CDH1: variants seen among roughly 807,000 people sequenced by gnomAD.
CDH1 encodes the protein cadherin-1.
In CDH1, 35 loss-of-function variants were observed where a neutral mutation model predicts 84.5. The ratio of observed to expected loss-of-function variants is 0.41; its 90% CI spans 0.32 to 0.55. The LOEUF is 0.55. Ranked by LOEUF, CDH1 falls within the 20% of genes least tolerant of loss-of-function variation. CDH1 has a pLI of 0.19. For missense variants in CDH1, 994 were observed against 1,126.6 expected, an observed-to-expected ratio of 0.88 and a Z score of 1.68; for synonymous variants, 417 against 439.0, an observed-to-expected ratio of 0.95 and a Z score of 0.63.
chr16:68,788,866 A>G (rs1374531939), intron 2 of CDH1, among the ~76,000 whole-genome samples: 2 of 152,118 alleles, frequency 1.3e-5, no homozygotes, highest in African/African-American at 4.8e-5. Flanking sequence ...TTAGCTGGGT[A>G]TGGTGGCGGG....
At chr16:68,787,446 A>G (rs1960085307) in intron 2 of CDH1, among the ~76,000 whole-genome samples, 1 of 152,096 alleles carries the variant, frequency 6.6e-6, no homozygotes, top group Non-Finnish European at 1.5e-5. Flanking sequence ...CCCACACGTA[A>G]TGACTGTCAT....
chr16:68,813,398 C>G lies in CDH1; in HGVS notation c.1223C>G (p.Ala408Gly), dbSNP rs138135866. ...VTDADAPNTP[A>G]WEAVYTILND... ...GATGCTGATGCCCCCAATACCCCAG[C>G]GTGGGAGGCTGTATACACCATATTG... is the stretch of plus-strand genomic sequence containing the variant. Residue 408 changes from alanine (A) to glycine (G), a missense_variant, in exon 9 of 16, where the codon GCG becomes GGG. Physicochemically the swap from Ala to Gly is moderately conservative, Grantham distance 60. Around this residue, in one of 3 missense-constraint regions of CDH1, gnomAD observed 769 missense variants for 881.8 expected, o/e 0.87. Transcript: ENST00000261769. 3 of 1,614,036 alleles carry G rather than the reference C, an allele frequency of 1.9e-6. No individual in the cohort carries two copies. The highest frequency in any genetic ancestry group is 2.5e-6 in the Non-Finnish European group (3 of 1,179,968).
chr16:68,738,964 T>TTTTTTTTTTTTTTTTTTTTTA lies in CDH1; in HGVS notation c.163+553_163+554insTTTTTTTTTTTTTTTTTTTTA, dbSNP rs555202424. On this transcript the variant is annotated intron_variant, in intron 2 of 15. Coordinates refer to ENST00000261769, the MANE Select transcript of CDH1 (RefSeq NM_004360.5). ...TTTTTTTTTTTTTTTTTTTTTTTTT[T>TTTTTTTTTTTTTTTTTTTTTA]AAAGACAGGGTCTTGCTCTGTTGCC... is the stretch of plus-strand genomic sequence containing the variant. Among the ~76,000 whole-genome samples, 5 of 65,364 alleles carry TTTTTTTTTTTTTTTTTTTTTA rather than the reference T, an allele frequency of 7.6e-5. 2 individuals carry two copies. Among genetic ancestry groups the TTTTTTTTTTTTTTTTTTTTTA allele is most frequent in the Non-Finnish European group, 1.1e-4 (4 of 35,546 alleles). The allele number at this position is 65,364 out of a possible 152,430, so 42.9% of individuals were successfully genotyped here.
rs370973869 is a variant in CDH1, at chr16:68,801,850, C to T, written c.344C>T (p.Thr115Met). The T allele has an allele frequency of 9.3e-6, 15 of 1,614,104 alleles. No individual in the cohort carries two copies. Among genetic ancestry groups the T allele is most frequent in the Middle Eastern group, 1.6e-4 (1 of 6,082 alleles). Residue 115 changes from threonine (T) to methionine (M), a missense_variant, in exon 3 of 16, where the codon ACG becomes ATG. Thr to Met is a moderately conservative substitution (Grantham distance 81). This residue lies in a region of CDH1 where 203 missense variants were observed against 194.0 expected (regional missense o/e 1.05). Transcript: ENST00000261769. The stretch of plus-strand genomic sequence containing the variant: ...TACAGAAAGTTTTCCACCAAAGTCA[C>T]GCTGAATACAGTGGGGCACCACCAC... ...STYRKFSTKV[T>M]LNTVGHHHRP...
At chr16:68,809,855 A>C (rs1029025092) in intron 5 of CDH1, among the ~76,000 whole-genome samples, 1 of 152,152 alleles carries the variant, frequency 6.6e-6, no homozygotes, top group Non-Finnish European at 1.5e-5. Flanking sequence ...ATTCAGAAAT[A>C]TCTGGGGGAA....
In CDH1 at chr16:68,750,150, C is replaced by CTTTTTTTTTTTTTTTTTTTTTTTTTTT. The variant is rs34551002; in HGVS notation, c.163+11749_163+11750insTTTTTTTTTTTTTTTTTTTTTTTTTTT. On this transcript the variant is annotated intron_variant, in intron 2 of 15. Coordinates refer to ENST00000261769, the MANE Select transcript of CDH1 (RefSeq NM_004360.5). ...TTTTGATTGTGATGCTAGAATTCAG[C>CTTTTTTTTTTTTTTTTTTTTTTTTTTT]TTTTTTTTTTGCCTTTGGAAGGCCT... Among the ~76,000 whole-genome samples the CTTTTTTTTTTTTTTTTTTTTTTTTTTT allele has an allele frequency of 1.3e-4, 10 of 79,152 alleles. 1 individual carries two copies. Among genetic ancestry groups the CTTTTTTTTTTTTTTTTTTTTTTTTTTT allele is most frequent in the African/African-American group, 1.7e-4 (4 of 23,946 alleles). The allele number at this position is 79,152 out of a possible 152,430, so 51.9% of individuals were successfully genotyped here. A position where few individuals can be genotyped will look rare whatever the true frequency, so the allele number is the denominator to read the frequency against.
intron 3 of CDH1, among the ~76,000 whole-genome samples, chr16:68,804,102 CTTTTTTT>C (rs10563852): frequency 4.0e-5 from 3 of 75,068 alleles, no homozygotes; most frequent in African/African-American, 9.8e-5. Context: ...ATCTGTCTGC[CTTTTTTT>C]TTTTTTTTTT....
At chr16:68,817,059 A>G (rs1961006762) in intron 10 of CDH1, among the ~76,000 whole-genome samples, 1 of 152,236 alleles carries the variant, frequency 6.6e-6, no homozygotes, top group Non-Finnish European at 1.5e-5. Flanking sequence ...GCCTGGAACA[A>G]TGACCACTTG....
In CDH1 at chr16:68,823,509, G is replaced by C. The variant is rs758872535; in HGVS notation, c.2047G>C (p.Val683Leu). Reference protein sequence around the residue: ...QNKDQVTTLEVSVCDCEGAAG... With the variant: ...QNKDQVTTLELSVCDCEGAAG... The stretch of plus-strand genomic sequence containing the variant: ...TAAAGACCAAGTGACCACCTTAGAG[G>C]TCAGCGTGTGTGACTGTGAAGGGGC... Residue 683 changes from valine to leucine, a missense_variant, in exon 13 of 16, where the codon GTC (valine) becomes CTC (leucine). Coordinates refer to ENST00000261769, the MANE Select transcript of CDH1 (RefSeq NM_004360.5). The C allele has an allele frequency of 6.2e-7, 1 of 1,613,924 alleles. No homozygotes were observed.
At chr16:68,775,376 C>G (rs1959701304) in intron 2 of CDH1, among the ~76,000 whole-genome samples, 2 of 152,138 alleles carry the variant, frequency 1.3e-5, no homozygotes, top group African/African-American at 4.8e-5. Context: ...ATATTCCCAA[C>G]CATGCCAAGA....
intron 3 of CDH1, among the ~76,000 whole-genome samples, chr16:68,807,418 C>G (rs1960694368): frequency 1.3e-5 from 2 of 152,100 alleles, no homozygotes; most frequent in Admixed American, 1.3e-4. Context: ...ACCTGTAATC[C>G]CAGCAAATTG....
intron 2 of CDH1, among the ~76,000 whole-genome samples, chr16:68,746,349 C>T (rs1031415842): frequency 6.6e-5 from 10 of 151,858 alleles, no homozygotes; most frequent in Admixed American, 2.0e-4. Flanking sequence ...TGCTTGAACA[C>T]GGGAGGTGGA....
chr16:68,812,234 G>A lies in CDH1; in HGVS notation c.1108G>A (p.Asp370Asn), dbSNP rs1960859184. 1 of 1,614,152 alleles carries A rather than the reference G, an allele frequency of 6.2e-7. No individual in the cohort carries two copies. The highest frequency in any genetic ancestry group is 8.5e-7 in the Non-Finnish European group (1 of 1,179,984). Residue 370 changes from aspartate (D) to asparagine (N), a missense_variant, in exon 8 of 16, where the codon GAT becomes AAT. Transcript: ENST00000261769. The stretch of plus-strand genomic sequence containing the variant: ...TGTGATCACAGTCACTGACACCAAC[G>A]ATAATCCTCCGATCTTCAATCCCAC... ...TAVITVTDTN[D>N]NPPIFNPTTY...
chr16:68,737,458 CT>C lies in CDH1; in HGVS notation c.44del (p.Leu15ArgfsTer41). The part of the protein sequence containing the change: ...SRSLSALLLL[L>X]QVSSWLCQEP... ...CAGCCTCTCGGCGCTGCTGCTGCTG[CT>C]GCAGGTACCCCGGATCCCCTGACTT... On this transcript the variant is annotated frameshift_variant, in exon 1 of 16. Transcript: ENST00000261769. LOFTEE classifies it high-confidence loss of function. The C allele has an allele frequency of 6.5e-7, 1 of 1,537,288 alleles. No homozygotes were observed. Among genetic ancestry groups the C allele is most frequent in the Non-Finnish European group, 8.7e-7 (1 of 1,148,294 alleles).
chr16:68,778,643 T>A (rs1209644512), intron 2 of CDH1, among the ~76,000 whole-genome samples: 2 of 152,074 alleles, frequency 1.3e-5, no homozygotes, highest in Non-Finnish European at 2.9e-5. Context: ...ATATATTGTG[T>A]GTGTAATCAG....
chr16:68,756,284 G>C (rs556649543), intron 2 of CDH1, among the ~76,000 whole-genome samples: 29 of 152,246 alleles, frequency 1.9e-4, no homozygotes, highest in African/African-American at 6.3e-4. Context: ...TGACCAACTT[G>C]TTGGTGGGGA....
At chr16:68,745,452 G>C (rs1465126705) in intron 2 of CDH1, among the ~76,000 whole-genome samples, 4 of 149,232 alleles carry the variant, frequency 2.7e-5, no homozygotes, top group African/African-American at 9.9e-5. Context: ...TGAGGTGGGG[G>C]GATTGCGTGA....
intron 3 of CDH1, among the ~76,000 whole-genome samples, chr16:68,806,426 A>G (rs764623294): frequency 1.3e-5 from 2 of 152,160 alleles, no homozygotes; most frequent in South Asian, 2.1e-4. Context: ...CTGGGATTAC[A>G]GGTGTGAGCC....
intron 2 of CDH1, among the ~76,000 whole-genome samples, chr16:68,741,151 T>C (rs1429138976): frequency 1.3e-5 from 2 of 152,024 alleles, no homozygotes; most frequent in Non-Finnish European, 2.9e-5. Context: ...AGGCCTCTGG[T>C]GTGGTTGGTT....
Sources: allele counts gnomAD v4.1 joint callset (sites outside exome capture counted in the v4.1 genomes callset), GRCh38; gene constraint gnomAD v4.1.1; regional missense constraint gnomAD v4.1.1; transcripts MANE v1.5; gene names NCBI Gene and HGNC (gene_info 2026-07-23, HGNC 2026-07-21).